GPSM2: variants seen among roughly 807,000 people sequenced by gnomAD.
GPSM2 encodes G protein signaling modulator 2.
A neutral mutation model predicts 78.4 loss-of-function variants in GPSM2; 58 were observed. That is an observed-to-expected ratio of 0.74 (90% confidence interval 0.60 to 0.92). GPSM2 has a LOEUF of 0.92. GPSM2 is among the 40% of genes least tolerant of loss of function. The pLI is 0.00. For missense variants in GPSM2, 700 were observed against 815.5 expected, an observed-to-expected ratio of 0.86 and a Z score of 1.73; for synonymous variants, 224 against 280.2, an observed-to-expected ratio of 0.80 and a Z score of 2.00.
Position 108,926,745 on chromosome 1 carries a change from T to G in GPSM2, c.1815+2531T>G, listed in dbSNP as rs1296938582. ...ACCAGAACATAATAAAAGCCATATA[T>G]GAAACATGTACCGCTGACATCATAC... is the stretch of plus-strand genomic sequence containing the variant. On this transcript the variant is annotated intron_variant, in intron 14 of 14. Coordinates refer to ENST00000264126, the MANE Select transcript of GPSM2 (RefSeq NM_013296.5). 2.0e-5 allele frequency: 3 copies of G among 152,272 alleles called. No individual in the cohort carries two copies. In the South Asian group the frequency reaches 6.2e-4, roughly 32 times the overall value. 9.4% of individuals were successfully genotyped at this position (152,272 alleles called of 1,614,324 possible). A position where few individuals can be genotyped will look rare whatever the true frequency, so the allele number is the denominator to read the frequency against.
intron 1 of GPSM2, among the ~76,000 whole-genome samples, chr1:108,883,100 T>C (rs1360371634): frequency 6.6e-6 from 1 of 152,214 alleles, no homozygotes; most frequent in Admixed American, 6.5e-5. Flanking sequence ...CAAAAGATAG[T>C]GCTTCCTTTG....
chr1:108,932,740 A>T lies in GPSM2; in HGVS notation c.*2800A>T, dbSNP rs1252895421. The T allele has an allele frequency of 6.6e-6, 1 of 152,204 alleles. No homozygotes were observed. Among genetic ancestry groups the T allele is most frequent in the African/African-American group, 2.4e-5 (1 of 41,448 alleles). The allele number at this position is 152,204 out of a possible 1,614,324, so 9.4% of individuals were successfully genotyped here. ...CCAAGAGGACACTTTATACGCATGG[A>T]TGTTCACAAATTTATTCTAAACTGC... On this transcript the variant is annotated 3_prime_UTR_variant, in exon 15 of 15. Coordinates refer to ENST00000264126, the MANE Select transcript of GPSM2 (RefSeq NM_013296.5).
intron 4 of GPSM2, 150 bp downstream of exon 4, chr1:108,897,777 T>A: frequency 1.1e-6 from 1 of 948,746 alleles, no homozygotes; most frequent in Non-Finnish European, 1.5e-6. Flanking sequence ...AAAAAAAATT[T>A]AATGGAGAAA....
intron 10 of GPSM2, among the ~76,000 whole-genome samples, chr1:108,910,221 T>C (rs746744860): frequency 6.6e-6 from 1 of 152,184 alleles, no homozygotes; most frequent in Non-Finnish European, 1.5e-5. Context: ...ACCAAAACTG[T>C]TCCAATGGTA....
At chr1:108,886,679 C>A (rs1265774598) in intron 2 of GPSM2, among the ~76,000 whole-genome samples, 1 of 152,142 alleles carries the variant, frequency 6.6e-6, no homozygotes, top group African/African-American at 2.4e-5. Flanking sequence ...ATAGGTTATG[C>A]ACATGTATGT....
chr1:108,904,382 G>A (rs1649066142), intron 10 of GPSM2, 128 bp downstream of exon 10: 1 of 466,916 alleles, frequency 2.1e-6, no homozygotes, highest in Non-Finnish European at 3.9e-6. Flanking sequence ...ACACTTTTTT[G>A]CTGTACACAG....
At position 108,898,991 on chromosome 1, in the gene GPSM2, A is replaced by C. The variant is rs1344428168; in HGVS notation, c.794A>C (p.Tyr265Ser). The change falls in exon 7 of 15, where the codon TAC becomes TCC. Residue 265 changes from tyrosine to serine, a missense_variant. Tyr to Ser is a moderately radical substitution (Grantham distance 144). Coordinates refer to ENST00000264126, the MANE Select transcript of GPSM2 (RefSeq NM_013296.5). Reference protein sequence around the residue: ...LGEFETASEYYKKTLLLARQL... With the variant: ...LGEFETASEYSKKTLLLARQL... ...GAATTTGAAACTGCCTCGGAATACT[A>C]CAAGTTAGTCTAATATTTCTGTAGA... is the stretch of plus-strand genomic sequence containing the variant. 6.7e-7 allele frequency: 1 copy of C among 1,490,114 alleles called. No homozygotes were observed. The highest frequency in any genetic ancestry group is 9.4e-7 in the Non-Finnish European group (1 of 1,067,724). 92.3% of individuals were successfully genotyped at this position (1,490,114 alleles called of 1,614,324 possible). A position where few individuals can be genotyped will look rare whatever the true frequency, so the allele number is the denominator to read the frequency against.
rs539482695 is a variant in GPSM2, at chr1:108,890,351, G to A, written c.56+4773G>A. The stretch of plus-strand genomic sequence containing the variant: ...TGCTAAATGTTTTGAATAGTATTGT[G>A]CTTTCTAATATGGTAAGAACAGTAG... On this transcript the variant is annotated intron_variant, in intron 2 of 14. Transcript: ENST00000264126. 1.1e-4 allele frequency among the ~76,000 whole-genome samples: 17 copies of A among 152,248 alleles called. No individual in the cohort carries two copies. The South Asian group carries it at 3.3e-3, about 30-fold the overall frequency.
intron 5 of GPSM2, 24 bp downstream of exon 5, chr1:108,898,125 G>A: frequency 6.2e-7 from 1 of 1,606,292 alleles, no homozygotes; most frequent in Non-Finnish European, 8.5e-7. Flanking sequence ...GATATGGGCA[G>A]TCATGTAGGC....
chr1:108,919,855 G>T (rs1009993460), intron 12 of GPSM2, among the ~76,000 whole-genome samples: 10 of 152,146 alleles, frequency 6.6e-5, no homozygotes, highest in African/African-American at 1.7e-4. Context: ...TTACAAAGAA[G>T]GTACTTCATA....
At position 108,918,719 on chromosome 1, in the gene GPSM2, C is replaced by T. The variant is rs35089879; in HGVS notation, c.1370C>T (p.Thr457Met). The change falls in exon 12 of 15, where the codon ACG becomes ATG. Residue 457 changes from threonine (T) to methionine (M), a missense_variant. Thr to Met is a moderately conservative substitution (Grantham distance 81). Transcript: ENST00000264126. ...AGACTGAAGGGGAAAAAATACAAAA[C>T]GAATTCCTCCACTAAAGTTCTCCAA... ...VNRLKGKKYKTNSSTKVLQDA... is the reference protein window; with the variant it reads ...VNRLKGKKYKMNSSTKVLQDA... The T allele has an allele frequency of 0.016, 25,685 of 1,612,994 alleles. 558 individuals are homozygous for T. The highest frequency in any genetic ancestry group is 0.077 in the African/African-American group (5,794 of 74,938).
rs1650463762 is a variant in GPSM2, at chr1:108,918,711, A to T, written c.1362A>T (p.Lys454Asn). ...TTGTCAACAGACTGAAGGGGAAAAA[A>T]TACAAAACGAATTCCTCCACTAAAG... Reference protein sequence around the residue: ...LLFVNRLKGKKYKTNSSTKVL... With the variant: ...LLFVNRLKGKNYKTNSSTKVL... Residue 454 changes from lysine to asparagine, a missense_variant, in exon 12 of 15, where the codon AAA becomes AAT. By Grantham distance (94) the Lys-to-Asn change is moderately conservative. Transcript: ENST00000264126. The T allele has an allele frequency of 6.2e-7, 1 of 1,613,656 alleles. No individual in the cohort carries two copies. The highest frequency in any genetic ancestry group is 2.2e-5 in the East Asian group (1 of 44,834).
chr1:108,927,372 C>T (rs1287885056), intron 14 of GPSM2, among the ~76,000 whole-genome samples: 7 of 152,150 alleles, frequency 4.6e-5, no homozygotes, highest in Non-Finnish European at 8.8e-5. Flanking sequence ...TTAGGGCTCA[C>T]ATTTTTTTAT....
chr1:108,878,831 A>T (rs1283720054), intron 1 of GPSM2, among the ~76,000 whole-genome samples: 5 of 152,216 alleles, frequency 3.3e-5, no homozygotes, highest in Non-Finnish European at 7.3e-5. Context: ...ATCACAGCAC[A>T]TTTTAGGTAA....
intron 11 of GPSM2, among the ~76,000 whole-genome samples, chr1:108,915,764 A>C (rs1430187842): frequency 1.3e-5 from 2 of 152,096 alleles, no homozygotes; most frequent in Non-Finnish European, 2.9e-5. Context: ...ACTGTGGTAT[A>C]TTTTTAAAAA....
chr1:108,901,647 A>G (rs1409637810), intron 7 of GPSM2, 143 bp from the exon 8 acceptor site: 1 of 678,864 alleles, frequency 1.5e-6, no homozygotes, highest in Non-Finnish European at 2.7e-6. Flanking sequence ...AGTAATGGAG[A>G]AAGTACGGGA....
Position 108,885,267 on chromosome 1 carries a change from T to G in GPSM2, c.-248-8T>G, listed in dbSNP as rs1647444993. 1 of 380,730 alleles carries G rather than the reference T, an allele frequency of 2.6e-6. No individual in the cohort carries two copies. Among genetic ancestry groups the G allele is most frequent in the Non-Finnish European group, 4.7e-6 (1 of 210,532 alleles). The allele number at this position is 380,730 out of a possible 1,614,324, so 23.6% of individuals were successfully genotyped here. A position where few individuals can be genotyped will look rare whatever the true frequency, so the allele number is the denominator to read the frequency against. On this transcript the variant is annotated splice_polypyrimidine_tract_variant and splice_region_variant and intron_variant, in intron 1 of 14. Transcript: ENST00000264126. Reference sequence around the variant, plus strand: ...CTTCAAGCAAAGCATCTTGTATTCCTTTTGCAGAAATGTTGCTGAAGTGCT... The same window carrying G: ...CTTCAAGCAAAGCATCTTGTATTCCGTTTGCAGAAATGTTGCTGAAGTGCT...
intron 10 of GPSM2, among the ~76,000 whole-genome samples, chr1:108,906,792 C>T (rs1570919358): frequency 6.6e-6 from 1 of 152,110 alleles, no homozygotes; most frequent in Admixed American, 6.5e-5. Context: ...GCAGGAGAAT[C>T]GCTTGAACCT....
At chr1:108,928,290 G>C (rs1651310174) in intron 14 of GPSM2, among the ~76,000 whole-genome samples, 1 of 152,242 alleles carries the variant, frequency 6.6e-6, no homozygotes. Context: ...TATGACCATG[G>C]GAGCCAAATG....
Sources: allele counts gnomAD v4.1 joint callset (sites outside exome capture counted in the v4.1 genomes callset), GRCh38; gene constraint gnomAD v4.1.1; transcripts MANE v1.5; gene names NCBI Gene and HGNC (gene_info 2026-07-23, HGNC 2026-07-21).